The following CASP5 variants were observed in gnomAD, a reference collection of about 807,000 sequenced individuals.
The protein encoded by CASP5 is caspase 5, also known as caspase-5.
CASP5 carries 42 observed loss-of-function variants against 45.2 expected under a neutral mutation model. The observed-to-expected ratio is 0.93, with a 90% CI of 0.73 to 1.20. The LOEUF is 1.20. CASP5 is among the 50% of genes most tolerant of loss of function. The pLI is 0.00. For synonymous variants in CASP5, 209 were observed against 186.2 expected (o/e 1.12, Z -1.00); for missense variants, 512 against 532.2 (o/e 0.96, Z 0.37).
At chr11:105,019,780 G>A (rs1429588857) in intron 1 of CASP5, among the ~76,000 whole-genome samples, 3 of 144,866 alleles carry the variant, frequency 2.1e-5, no homozygotes, top group Non-Finnish European at 4.6e-5. Flanking sequence ...AATAGAAAAA[G>A]AGGGAATCCT....
In CASP5 at chr11:105,007,106, T is replaced by C; in HGVS notation, c.410A>G (p.Asp137Gly). 6.2e-7 allele frequency: 1 copy of C among 1,612,952 alleles called. No homozygotes were observed. The highest frequency in any genetic ancestry group is 8.5e-7 in the Non-Finnish European group (1 of 1,179,532). ...QMFTQTLLNM[D>G]QKITSVKPLL... ...ACGTTTTACACTGGTGATCTTTTGG[T>C]CCATATTGAGAAGTGTTTGGGTAAA... The change falls in exon 3 of 10, where the codon GAC (aspartate) becomes GGC (glycine). Residue 137 changes from aspartate (D) to glycine (G), a missense_variant. Physicochemically the swap from Asp to Gly is moderately conservative, Grantham distance 94. Coordinates refer to ENST00000260315, the MANE Select transcript of CASP5 (RefSeq NM_004347.5).
At chr11:105,000,140 A>G (rs1348673085) in intron 6 of CASP5, 121 bp downstream of exon 6, 1 of 1,034,158 alleles carries the variant, frequency 9.7e-7, no homozygotes, top group East Asian at 2.4e-5. Context: ...TTTCTTCATA[A>G]TTCAATGTAC....
chr11:105,022,708 G>A (rs951930713), intron 1 of CASP5, among the ~76,000 whole-genome samples: 3 of 152,114 alleles, frequency 2.0e-5, no homozygotes, highest in African/African-American at 7.2e-5. Flanking sequence ...GATAAGAGAT[G>A]ACAACACGTT....
In CASP5 at chr11:104,999,017, C is replaced by T; in HGVS notation, c.964G>A (p.Glu322Lys). The T allele has an allele frequency of 6.3e-7, 1 of 1,595,814 alleles. No individual in the cohort carries two copies. The highest frequency in any genetic ancestry group is 8.5e-7 in the Non-Finnish European group (1 of 1,174,524). ...GCTGGAGAGTCTCTGACCCAGAGTTCCCCATGTTTTTCTGTAGAGACATCA... is the reference window on the plus strand; with the variant it reads ...GCTGGAGAGTCTCTGACCCAGAGTTTCCCATGTTTTTCTGTAGAGACATCA... ...VQACRGEKHG[E>K]LWVRDSPASL... The change falls in exon 7 of 10, where the codon GAA becomes AAA. Residue 322 changes from glutamate to lysine, a missense_variant. Glu to Lys is a moderately conservative substitution (Grantham distance 56). Coordinates refer to ENST00000260315, the MANE Select transcript of CASP5 (RefSeq NM_004347.5).
intron 1 of CASP5, among the ~76,000 whole-genome samples, chr11:105,021,260 A>C (rs1862945140): frequency 6.7e-6 from 1 of 149,344 alleles, no homozygotes; most frequent in African/African-American, 2.4e-5. Context: ...CAAGGACTTC[A>C]TGTCTAAAAC....
In CASP5 at chr11:105,000,326, T is replaced by C; in HGVS notation, c.887A>G (p.Asn296Ser). 6.2e-7 allele frequency: 1 copy of C among 1,614,226 alleles called. No individual in the cohort carries two copies. Among genetic ancestry groups the C allele is most frequent in the South Asian group, 1.1e-5 (1 of 91,084 alleles). The change falls in exon 6 of 10, where the codon AAC (asparagine) becomes AGC (serine). Residue 296 changes from asparagine (N) to serine (S), a missense_variant. Coordinates refer to ENST00000260315, the MANE Select transcript of CASP5 (RefSeq NM_004347.5). ...LLYDTIFQIF[N>S]NRNCLSLKDK... ...CTTTAGACTGAGGCAGTTGCGGTTGTTGAATATCTGGAAGATGGTGTCATA... is the reference window on the plus strand; with the variant it reads ...CTTTAGACTGAGGCAGTTGCGGTTGCTGAATATCTGGAAGATGGTGTCATA...
chr11:105,017,131 G>GT (rs1297310288), intron 1 of CASP5, among the ~76,000 whole-genome samples: 4 of 151,794 alleles, frequency 2.6e-5, no homozygotes, highest in African/African-American at 9.7e-5. Context: ...AAACAGAAAG[G>GT]ACATCCACAC....
intron 1 of CASP5, 124 bp downstream of exon 1, chr11:105,023,006 G>A: frequency 1.2e-6 from 1 of 860,142 alleles, no homozygotes; most frequent in South Asian, 1.4e-5. Flanking sequence ...ATAAGAGAAA[G>A]ATTCAGCATG....
chr11:104,996,170 T>C (rs998589650), intron 8 of CASP5, among the ~76,000 whole-genome samples: 2 of 152,134 alleles, frequency 1.3e-5, no homozygotes, highest in African/African-American at 4.8e-5. Flanking sequence ...ATATGGAAGA[T>C]TTAGTACTTT....
chr11:105,003,664 T>C (rs745827909), intron 3 of CASP5, among the ~76,000 whole-genome samples: 8 of 152,072 alleles, frequency 5.3e-5, no homozygotes, highest in Non-Finnish European at 1.0e-4. Flanking sequence ...TTGGCTTTTC[T>C]ATATTCAGAA....
intron 1 of CASP5, among the ~76,000 whole-genome samples, chr11:105,021,472 A>C (rs1447103100): frequency 6.7e-6 from 1 of 149,664 alleles, no homozygotes; most frequent in Non-Finnish European, 1.5e-5. Context: ...AGAAAAAAAC[A>C]AACAACCCCA....
In CASP5 at chr11:104,997,529, C is replaced by T. The variant is rs372078561; in HGVS notation, c.1097-37G>A. ...CAGCCTGGTATGCCTTGGGCTACGACTTTCACTATGTTTTTGTTTATATTT... is the reference window on the plus strand; with the variant it reads ...CAGCCTGGTATGCCTTGGGCTACGATTTTCACTATGTTTTTGTTTATATTT... On this transcript the variant is annotated intron_variant, in intron 7 of 9. Transcript: ENST00000260315. 5.4e-6 allele frequency: 7 copies of T among 1,286,020 alleles called. No homozygotes were observed. The African/African-American group carries it at 9.0e-5, about 16-fold the overall frequency. The allele number at this position is 1,286,020 out of a possible 1,614,324, so 79.7% of individuals were successfully genotyped here.
At chr11:104,997,240 T>G (rs1268675680) in intron 8 of CASP5, 143 bp downstream of exon 8, 8 of 631,126 alleles carry the variant, frequency 1.3e-5, no homozygotes, top group Non-Finnish European at 2.3e-5. Flanking sequence ...AAAGCAGATT[T>G]TAAACACCTG....
Position 104,998,476 on chromosome 11 carries a change from A to G in CASP5, c.1096+409T>C, listed in dbSNP as rs189486395. ...TGCTCTTTGTAGGATCAAGTGGGAT[A>G]TATGTAGAAGAGGGCTTGAAGTTGA... On this transcript the variant is annotated intron_variant, in intron 7 of 9. Transcript: ENST00000260315. Among the ~76,000 whole-genome samples the G allele has an allele frequency of 1.7e-3, 252 of 152,300 alleles. 1 individual carries two copies. Among genetic ancestry groups the G allele is most frequent in the Non-Finnish European group, 2.8e-3 (191 of 68,032 alleles).
rs377721995 is a variant in CASP5, at chr11:105,002,041, T to C, written c.704A>G (p.Asn235Ser). 5.0e-6 allele frequency: 8 copies of C among 1,613,896 alleles called. No homozygotes were observed. In the African/African-American group the frequency reaches 1.1e-4, roughly 22 times the overall value. Residue 235 changes from asparagine (N) to serine (S), a missense_variant, in exon 5 of 10, where the codon AAT becomes AGT. Physicochemically the swap from Asn to Ser is conservative, Grantham distance 46. Coordinates refer to ENST00000260315, the MANE Select transcript of CASP5 (RefSeq NM_004347.5). ...AGGGGTTCTTACCCTGGCTGTGAGA[T>C]TCTTTTCGTCAACCACAGTGTAGCC... The part of the protein sequence containing the change: ...GLGYTVVDEK[N>S]LTARDMESVL...
intron 1 of CASP5, among the ~76,000 whole-genome samples, chr11:105,009,730 T>TATATATATATATATATACAC: frequency 1.8e-5 from 1 of 55,036 alleles, no homozygotes; most frequent in Non-Finnish European, 3.3e-5. Context: ...CATATATATA[T>TATATATATATATATATACAC]ATATATATAT....
chr11:105,006,571 T>TA lies in CASP5; in HGVS notation c.433+511dup, dbSNP rs796328825. ...GTGAAACACTGGAGCAGAATTGTTT[T>TA]ATATGCCGCTAGAGCTAAATGAGTC... is the stretch of plus-strand genomic sequence containing the variant. On this transcript the variant is annotated intron_variant, in intron 3 of 9. Transcript: ENST00000260315. 1.2e-4 allele frequency among the ~76,000 whole-genome samples: 18 copies of TA among 152,198 alleles called. 1 individual carries two copies. The highest frequency in any genetic ancestry group is 3.1e-4 in the African/African-American group (13 of 41,444).
chr11:104,995,664 T>A lies in CASP5; in HGVS notation c.*4+76A>T, dbSNP rs573108782. ...TAACTTGACCATATAAGCAGTCAGCTGTCATTGGTCATTGAACTTCACCAC... is the reference window on the plus strand; with the variant it reads ...TAACTTGACCATATAAGCAGTCAGCAGTCATTGGTCATTGAACTTCACCAC... On this transcript the variant is annotated intron_variant, in intron 9 of 9. Transcript: ENST00000260315. The A allele has an allele frequency of 9.9e-5, 86 of 871,990 alleles. No individual in the cohort carries two copies. In the African/African-American group the frequency reaches 1.3e-3, roughly 13 times the overall value. 54.0% of individuals were successfully genotyped at this position (871,990 alleles called of 1,614,324 possible). A position where few individuals can be genotyped will look rare whatever the true frequency, so the allele number is the denominator to read the frequency against.
rs1292539384 is a variant in CASP5 at position 105,008,870 on chromosome 11, C to A, written c.118G>T (p.Ala40Ser). 1.2e-6 allele frequency: 2 copies of A among 1,613,184 alleles called. No homozygotes were observed. Among genetic ancestry groups the A allele is most frequent in the South Asian group, 1.1e-5 (1 of 91,060 alleles). The change falls in exon 2 of 10, where the codon GCT becomes TCT. Residue 40 changes from alanine (A) to serine (S), a missense_variant. Ala to Ser is a moderately conservative substitution (Grantham distance 99). Coordinates refer to ENST00000260315, the MANE Select transcript of CASP5 (RefSeq NM_004347.5). ...AGGGTCTGGATAGATGTTTGTCCAG[C>A]CACGTTGTTCTTTAGCATGTGGTTT... ...VINHMLKNNV[A>S]GQTSIQTLVP...
Sources: gnomAD v4.1 joint callset for allele counts (sites outside exome capture counted in the v4.1 genomes callset) on GRCh38, gnomAD v4.1.1 for gene constraint, MANE v1.5 for transcripts, NCBI Gene and HGNC (gene_info 2026-07-23, HGNC 2026-07-21) for gene names.